ROBO2: variants seen among roughly 807,000 people sequenced by gnomAD.
The protein encoded by ROBO2 is roundabout guidance receptor 2.
ROBO2 carries 53 observed loss-of-function variants against 160.8 expected under a neutral mutation model. The observed-to-expected ratio is 0.33, with a 90% CI of 0.26 to 0.41. ROBO2 has a LOEUF of 0.41. ROBO2 is among the 10% of genes least tolerant of loss of function. The probability of loss-of-function intolerance (pLI) is 1.00; values close to 1 mark genes in which losing one functional copy is unlikely to be tolerated. For missense variants in ROBO2, 1,577 were observed against 1,722.4 expected (o/e 0.92, Z 1.49); for synonymous variants, 664 against 611.7 (o/e 1.09, Z -1.26).
chr3:77,366,497 A>G (rs541384934), intron 2 of ROBO2, among the ~76,000 whole-genome samples: 4 of 152,104 alleles, frequency 2.6e-5, no homozygotes, highest in African/African-American at 7.2e-5. Flanking sequence ...CTGCCTGCAC[A>G]TTGATCTTGG....
chr3:76,315,760 A>G (rs2071965484), intron 2 of ROBO2, among the ~76,000 whole-genome samples: 2 of 152,188 alleles, frequency 1.3e-5, no homozygotes, highest in South Asian at 4.1e-4. Flanking sequence ...ATTGGGTAAG[A>G]AATCAATATT....
chr3:76,343,700 G>C (rs1432581724), intron 2 of ROBO2, among the ~76,000 whole-genome samples: 1 of 151,992 alleles, frequency 6.6e-6, no homozygotes, highest in Non-Finnish European at 1.5e-5. Flanking sequence ...GTATTGGTGT[G>C]GTGAGATTTT....
intron 2 of ROBO2, among the ~76,000 whole-genome samples, chr3:77,143,600 T>A (rs943089540): frequency 6.6e-6 from 1 of 152,198 alleles, no homozygotes; most frequent in Non-Finnish European, 1.5e-5. Context: ...AAACTCAGTA[T>A]ATATAAAATC....
Position 77,118,822 on chromosome 3 carries a change from A to G in ROBO2, c.388+20482A>G, listed in dbSNP as rs577422240. Among the ~76,000 whole-genome samples the G allele has an allele frequency of 4.6e-5, 7 of 152,314 alleles. No homozygotes were observed. The South Asian group carries it at 1.5e-3, about 32-fold the overall frequency. ...ATATCCTGAACTTACACAAACCTAG[A>G]TGGCATAGTCTACTACACACCTTGA... On this transcript the variant is annotated intron_variant, in intron 2 of 25. Coordinates refer to ENST00000461745, the Ensembl canonical transcript of ROBO2.
At chr3:77,001,938 C>T (rs759932253) in intron 2 of ROBO2, among the ~76,000 whole-genome samples, 1 of 152,016 alleles carries the variant, frequency 6.6e-6, no homozygotes, top group Non-Finnish European at 1.5e-5. Flanking sequence ...TCACAAGGCA[C>T]CTAGCAAAAT....
At chr3:77,067,381 C>T (rs138662643) in intron 1 of ROBO2, among the ~76,000 whole-genome samples, 165 of 152,192 alleles carry the variant, frequency 1.1e-3, no homozygotes, top group African/African-American at 3.3e-3. Flanking sequence ...TTTTTATTAA[C>T]GTCTTTATTT....
intron 2 of ROBO2, among the ~76,000 whole-genome samples, chr3:76,177,933 T>C (rs551039363): frequency 9.2e-5 from 14 of 152,266 alleles, no homozygotes; most frequent in African/African-American, 3.4e-4. Flanking sequence ...TCTGGGTAAT[T>C]TGGCACATTT....
intron 2 of ROBO2, among the ~76,000 whole-genome samples, chr3:75,937,841 T>TATATATATATATATATATA (rs1947858350): frequency 9.5e-6 from 1 of 105,526 alleles, no homozygotes; most frequent in African/African-American, 4.2e-5. Flanking sequence ...GGAATTGATT[T>TATATATATATATATATATA]TATATATATA....
At chr3:75,935,925 C>T (rs1486414052) in intron 1 of ROBO2, among the ~76,000 whole-genome samples, 1 of 152,112 alleles carries the variant, frequency 6.6e-6, no homozygotes, top group Non-Finnish European at 1.5e-5. Flanking sequence ...TTTCTCTAAG[C>T]CTTGTTTTTC....
chr3:77,158,345 A>G (rs906020464), intron 2 of ROBO2, among the ~76,000 whole-genome samples: 3 of 152,028 alleles, frequency 2.0e-5, no homozygotes, highest in South Asian at 2.1e-4. Flanking sequence ...TTGCCCTTAC[A>G]TGGCTGTGAT....
At chr3:76,200,308 TCTC>T (rs1157413340) in intron 2 of ROBO2, among the ~76,000 whole-genome samples, 7 of 152,092 alleles carry the variant, frequency 4.6e-5, no homozygotes, top group East Asian at 1.9e-4. Flanking sequence ...TGTGAAGAGT[TCTC>T]CTTCTTCTGG....
At chr3:76,929,790 T>A (rs1330043493) in intron 2 of ROBO2, among the ~76,000 whole-genome samples, 5 of 152,042 alleles carry the variant, frequency 3.3e-5, no homozygotes. Flanking sequence ...CCACTGTGTG[T>A]GGATCTCAGA....
chr3:76,594,380 AT>A (rs1293886282), intron 2 of ROBO2, among the ~76,000 whole-genome samples: 1 of 152,008 alleles, frequency 6.6e-6, no homozygotes, highest in Non-Finnish European at 1.5e-5. Flanking sequence ...TATTATCATC[AT>A]TTGGGTTATC....
chr3:77,341,835 T>TA (rs143406066), intron 2 of ROBO2, among the ~76,000 whole-genome samples: 33 of 149,046 alleles, frequency 2.2e-4, no homozygotes, highest in South Asian at 1.3e-3. Flanking sequence ...ATATTCTAAT[T>TA]AAAAAAAAAA....
chr3:77,215,579 C>T (rs553745846), intron 2 of ROBO2, among the ~76,000 whole-genome samples: 9 of 152,182 alleles, frequency 5.9e-5, no homozygotes, highest in Non-Finnish European at 1.3e-4. Context: ...TCTCTCAACT[C>T]GTCAAAGTCA....
At chr3:76,576,841 C>A (rs1452794814) in intron 2 of ROBO2, among the ~76,000 whole-genome samples, 2 of 149,084 alleles carry the variant, frequency 1.3e-5, no homozygotes, top group Non-Finnish European at 3.0e-5. Context: ...TTTCTGTAAT[C>A]TAACAATTCC....
chr3:76,864,342 A>G (rs568314404), intron 2 of ROBO2, among the ~76,000 whole-genome samples: 1 of 152,048 alleles, frequency 6.6e-6, no homozygotes, highest in Non-Finnish European at 1.5e-5. Context: ...TCTCACTTCA[A>G]TTCATCTTGT....
intron 2 of ROBO2, among the ~76,000 whole-genome samples, chr3:77,320,171 C>A (rs980248123): frequency 8.5e-5 from 13 of 152,150 alleles, no homozygotes; most frequent in Non-Finnish European, 1.9e-4. Context: ...ATGTGGGGAT[C>A]ATTTTCTTTC....
intron 2 of ROBO2, among the ~76,000 whole-genome samples, chr3:76,918,460 A>G (rs986488798): frequency 3.3e-5 from 5 of 152,210 alleles, no homozygotes; most frequent in African/African-American, 1.2e-4. Flanking sequence ...TCTTCATAGC[A>G]GTGTGAGAAC....
Sources: allele counts gnomAD v4.1 joint callset (sites outside exome capture counted in the v4.1 genomes callset), GRCh38; gene constraint gnomAD v4.1.1; transcripts MANE v1.5; gene names NCBI Gene and HGNC (gene_info 2026-07-23, HGNC 2026-07-21).